NR3C1: variants seen among roughly 807,000 people sequenced by gnomAD.
NR3C1 encodes the protein nuclear receptor subfamily 3 group C member 1, also known as glucocorticoid receptor.
Under a neutral mutation model 74.0 loss-of-function variants are expected in NR3C1, and 14 were observed. The observed-to-expected ratio is 0.19, with a 90% CI of 0.12 to 0.30. The LOEUF is 0.30. Ranked by LOEUF, NR3C1 falls within the 10% of genes least tolerant of loss-of-function variation. The pLI is 1.00. For synonymous variants in NR3C1, 308 were observed against 332.5 expected (o/e 0.93, Z 0.80); for missense variants, 695 against 909.8 (o/e 0.76, Z 3.04).
At chr5:143,406,271 G>A (rs565677361), upstream of NR3C1, among the ~76,000 whole-genome samples, 1 of 151,932 alleles carries the variant, frequency 6.6e-6, no homozygotes, top group Admixed American at 6.5e-5. Flanking sequence ...AATCCTTAGT[G>A]GTAGGTACTC....
upstream of NR3C1, chr5:143,405,035 G>A (rs1841011799): frequency 2.5e-6 from 2 of 797,598 alleles, no homozygotes; most frequent in Non-Finnish European, 3.0e-6. Flanking sequence ...TCCGTCCTGA[G>A]AAAGGAGAGG....
chr5:143,347,567 T>TATAG (rs1475956411), intron 2 of NR3C1, among the ~76,000 whole-genome samples: 10 of 152,198 alleles, frequency 6.6e-5, no homozygotes, highest in Admixed American at 6.5e-4. Flanking sequence ...ATTTTACCAT[T>TATAG]ATAGAACTGG....
chr5:143,357,554 A>G (rs1347702918), intron 2 of NR3C1, among the ~76,000 whole-genome samples: 2 of 152,152 alleles, frequency 1.3e-5, no homozygotes, highest in African/African-American at 4.8e-5. Context: ...AACCCACCTC[A>G]TGAACTACAA....
chr5:143,423,218 T>A (rs1426556137), intron 1 of NR3C1, among the ~76,000 whole-genome samples: 2 of 152,154 alleles, frequency 1.3e-5, no homozygotes, highest in African/African-American at 4.8e-5. Context: ...GAATAAAATA[T>A]CTGGAAGCTA....
At chr5:143,357,504 T>C (rs1160248487) in intron 2 of NR3C1, among the ~76,000 whole-genome samples, 1 of 152,224 alleles carries the variant, frequency 6.6e-6, no homozygotes, top group East Asian at 1.9e-4. Flanking sequence ...AAGAATTCTG[T>C]AATCCTCAGT....
At chr5:143,350,886 T>C (rs1481321044) in intron 2 of NR3C1, among the ~76,000 whole-genome samples, 3 of 152,138 alleles carry the variant, frequency 2.0e-5, no homozygotes, top group African/African-American at 7.2e-5. Context: ...ACAGGGCTGG[T>C]GCCAACAGTA....
chr5:143,318,706 A>C (rs1822700967), intron 2 of NR3C1, among the ~76,000 whole-genome samples: 2 of 152,194 alleles, frequency 1.3e-5, no homozygotes, highest in South Asian at 4.1e-4. Context: ...ACCAGAGTTT[A>C]TCTCTCATGG....
At position 143,295,489 on chromosome 5, in the gene NR3C1, C is replaced by T; in HGVS notation, c.1994G>A (p.Cys665Tyr). Residue 665 changes from cysteine (C) to tyrosine (Y), a missense_variant, in exon 7 of 9, where the codon TGT (cysteine) becomes TAT (tyrosine). Around this residue, in one of 4 missense-constraint regions of NR3C1, gnomAD observed 133 missense variants for 287.9 expected, o/e 0.46. Transcript: ENST00000394464. ...AGAGAGAAGCAGTAAGGTTTTCATA[C>T]AGAGATACTCTTCATAAGATACCTG... The part of the protein sequence containing the change: ...RLQVSYEEYL[C>Y]MKTLLLLSSV... 6.2e-7 allele frequency: 1 copy of T among 1,613,056 alleles called. No homozygotes were observed. The highest frequency in any genetic ancestry group is 8.5e-7 in the Non-Finnish European group (1 of 1,179,348).
At chr5:143,365,188 G>C (rs930422819) in intron 2 of NR3C1, among the ~76,000 whole-genome samples, 1 of 152,064 alleles carries the variant, frequency 6.6e-6, no homozygotes, top group Non-Finnish European at 1.5e-5. Context: ...GAAACAAATG[G>C]CAAAATATCA....
chr5:143,434,621 C>A, exon 1 of NR3C1: 2 of 985,400 alleles, frequency 2.0e-6, no homozygotes, highest in Non-Finnish European at 2.4e-6. Context: ...TATTAAGGTA[C>A]AACTAAAGCC....
chr5:143,418,612 C>T (rs1751045742), intron 1 of NR3C1, among the ~76,000 whole-genome samples: 1 of 152,098 alleles, frequency 6.6e-6, no homozygotes, highest in Admixed American at 6.6e-5. Context: ...TCAGGGCTTT[C>T]CCAGTTAAGA....
At chr5:143,289,407 A>G (rs1211916143) in intron 7 of NR3C1, among the ~76,000 whole-genome samples, 3 of 152,196 alleles carry the variant, frequency 2.0e-5, no homozygotes, top group Non-Finnish European at 1.5e-5. Context: ...AAGAAAATGA[A>G]CCTTGTCCCT....
chr5:143,342,002 A>T (rs961464711), intron 2 of NR3C1, among the ~76,000 whole-genome samples: 1 of 152,300 alleles, frequency 6.6e-6, no homozygotes, highest in Admixed American at 6.5e-5. Flanking sequence ...ATTGAATCAT[A>T]AGCTGTTCCA....
rs1812866075 is a variant in NR3C1, at chr5:143,280,052, T to G, written c.*1837A>C. 1 of 152,598 alleles carries G rather than the reference T, an allele frequency of 6.6e-6. No homozygotes were observed. The highest frequency in any genetic ancestry group is 2.4e-5 in the African/African-American group (1 of 41,442). 9.5% of individuals were successfully genotyped at this position (152,598 alleles called of 1,614,324 possible). A position where few individuals can be genotyped will look rare whatever the true frequency, so the allele number is the denominator to read the frequency against. On this transcript the variant is annotated 3_prime_UTR_variant, in exon 9 of 9. Coordinates refer to ENST00000394464, the MANE Select transcript of NR3C1 (RefSeq NM_000176.3). Reference sequence around the variant, plus strand: ...GGGTCAGAGCCTCAGCAACCTTCACTGCACACAGGACCAGTCTCCATCTCC... The same window carrying G: ...GGGTCAGAGCCTCAGCAACCTTCACGGCACACAGGACCAGTCTCCATCTCC...
At position 143,313,995 on chromosome 5, in the gene NR3C1, A is replaced by G. The variant is rs765855278; in HGVS notation, c.1351+7T>C. 25 of 1,613,110 alleles carry G rather than the reference A, an allele frequency of 1.5e-5. No individual in the cohort carries two copies. The highest frequency in any genetic ancestry group is 2.0e-5 in the Non-Finnish European group (24 of 1,179,338). ...AGGAAAAATAAACTCTTCAAAACAC[A>G]CACTACCTTCCACTGCTCTTTTGAA... is the stretch of plus-strand genomic sequence containing the variant. On this transcript the variant is annotated splice_region_variant and intron_variant, in intron 3 of 8. Coordinates refer to ENST00000394464, the MANE Select transcript of NR3C1 (RefSeq NM_000176.3).
At chr5:143,420,684 C>T (rs543448548) in intron 1 of NR3C1, among the ~76,000 whole-genome samples, 1 of 152,240 alleles carries the variant, frequency 6.6e-6, no homozygotes, top group East Asian at 1.9e-4. Context: ...GCTAAACATC[C>T]TGCAATGCAT....
intron 2 of NR3C1, among the ~76,000 whole-genome samples, chr5:143,335,176 C>T (rs1431525156): frequency 1.3e-5 from 2 of 152,182 alleles, no homozygotes; most frequent in Non-Finnish European, 2.9e-5. Context: ...ATACACAGTA[C>T]AGTGGTACAT....
intron 2 of NR3C1, among the ~76,000 whole-genome samples, chr5:143,322,607 A>AT (rs1823619553): frequency 6.6e-6 from 1 of 152,224 alleles, no homozygotes; most frequent in South Asian, 2.1e-4. Flanking sequence ...AAACTAACAG[A>AT]TATCTCATAT....
At chr5:143,356,190 A>T (rs994197098) in intron 2 of NR3C1, among the ~76,000 whole-genome samples, 10 of 152,358 alleles carry the variant, frequency 6.6e-5, no homozygotes, top group African/African-American at 2.4e-4. Context: ...TGGAATGGGT[A>T]GTATCCTCTC....
Sources: gnomAD v4.1 joint callset for allele counts (sites outside exome capture counted in the v4.1 genomes callset) on GRCh38, gnomAD v4.1.1 for gene constraint, gnomAD v4.1.1 regional missense constraint, MANE v1.5 for transcripts, NCBI Gene and HGNC (gene_info 2026-07-23, HGNC 2026-07-21) for gene names.